The following VPS13C variants were observed in gnomAD, a reference collection of about 807,000 sequenced individuals.
VPS13C encodes intermembrane lipid transfer protein VPS13C.
A neutral mutation model predicts 456.8 loss-of-function variants in VPS13C; 358 were observed. The ratio of observed to expected loss-of-function variants is 0.78; its 90% CI spans 0.72 to 0.86. The LOEUF (loss-of-function observed/expected upper bound fraction) is 0.86. VPS13C is among the 40% of genes least tolerant of loss of function. The pLI, the probability that VPS13C is intolerant of heterozygous loss-of-function variation, is 0.00. For missense variants in VPS13C, 4,818 were observed against 4,385.4 expected, an observed-to-expected ratio of 1.10 and a Z score of -2.79; for synonymous variants, 1,578 against 1,486.7, an observed-to-expected ratio of 1.06 and a Z score of -1.41.
rs1461117816 is a variant in VPS13C, at chr15:61,972,716, C to A, written c.2666G>T (p.Cys889Phe). 1 of 1,613,070 alleles carries A rather than the reference C, an allele frequency of 6.2e-7. No homozygotes were observed. Among genetic ancestry groups the A allele is most frequent in the African/African-American group, 1.3e-5 (1 of 75,006 alleles). Residue 889 changes from cysteine to phenylalanine, a missense_variant, in exon 27 of 85, where the codon TGT becomes TTT. Physicochemically the swap from Cys to Phe is radical, Grantham distance 205. This residue lies in a region of VPS13C where 4,552 missense variants were observed against 4,130.6 expected (regional missense o/e 1.10). Coordinates refer to ENST00000644861, the MANE Select transcript of VPS13C (RefSeq NM_020821.3). ...AAGTTCTGATCCTTTCATACTTTTA[C>A]AAGTCTGTGGTTCTCCATCTTCAGC... is the stretch of plus-strand genomic sequence containing the variant. ...FDAEDGEPQT[C>F]KSMKGSELKK...
chr15:62,006,238 A>C (rs556104360), intron 15 of VPS13C, among the ~76,000 whole-genome samples: 10 of 152,162 alleles, frequency 6.6e-5, no homozygotes, highest in African/African-American at 2.2e-4. Flanking sequence ...ATATCTGCTA[A>C]TGCTATCCCT....
chr15:62,060,366 C>T lies in VPS13C; in HGVS notation c.9G>A (p.Leu3=), dbSNP rs751884656. The change falls in exon 1 of 85, where the codon CTG becomes CTA. Residue 3 remains leucine (L), a synonymous_variant. Transcript: ENST00000644861. The part of the protein sequence containing the change: MV[L]ESVVADLLNR... ...TCAGCAAGTCCGCGACCACCGACTC[C>T]AGCACCATGGTGGCGCTGAGGCACA... is the stretch of plus-strand genomic sequence containing the variant. 5 of 1,583,530 alleles carry T rather than the reference C, an allele frequency of 3.2e-6. No individual in the cohort carries two copies. In the Admixed American group the frequency reaches 8.6e-5, roughly 27 times the overall value.
intron 49 of VPS13C, among the ~76,000 whole-genome samples, chr15:61,933,167 A>C (rs186910309): frequency 2.1e-4 from 32 of 152,334 alleles, no homozygotes; most frequent in African/African-American, 7.2e-4. Context: ...ATGAATAAGG[A>C]AGGCATACAA....
At chr15:61,945,332 T>C (rs1213357053) in intron 45 of VPS13C, among the ~76,000 whole-genome samples, 1 of 152,226 alleles carries the variant, frequency 6.6e-6, no homozygotes, top group South Asian at 2.1e-4. Context: ...ATCACAATCA[T>C]AACCAAAAGC....
chr15:62,013,613 T>C (rs987293931), intron 10 of VPS13C, among the ~76,000 whole-genome samples: 3 of 152,060 alleles, frequency 2.0e-5, no homozygotes, highest in Admixed American at 6.6e-5. Context: ...TAATTATGTA[T>C]AGCTTAGTAC....
At chr15:62,055,083 G>A (rs1048028192) in intron 1 of VPS13C, among the ~76,000 whole-genome samples, 2 of 152,190 alleles carry the variant, frequency 1.3e-5, no homozygotes, top group Non-Finnish European at 2.9e-5. Flanking sequence ...AAATACATAA[G>A]AATTGCTTGG....
At position 61,854,685 on chromosome 15, in the gene VPS13C, G is replaced by A. The variant is rs1893811091; in HGVS notation, c.11161-127C>T. 15 of 1,058,872 alleles carry A rather than the reference G, an allele frequency of 1.4e-5. No individual in the cohort carries two copies. In the South Asian group the frequency reaches 2.1e-4, roughly 15 times the overall value. The allele number at this position is 1,058,872 out of a possible 1,614,324, so 65.6% of individuals were successfully genotyped here. ...CCAACAGCTAAGGACCAAGGATACA[G>A]TCCAGATGTGTCATATAAAAATAAG... On this transcript the variant is annotated intron_variant, in intron 84 of 84. Coordinates refer to ENST00000644861, the MANE Select transcript of VPS13C (RefSeq NM_020821.3).
In VPS13C at chr15:61,927,336, A is replaced by C. The variant is rs1382749991; in HGVS notation, c.6287-16T>G. 2 of 1,603,526 alleles carry C rather than the reference A, an allele frequency of 1.2e-6. No individual in the cohort carries two copies. The highest frequency in any genetic ancestry group is 8.5e-7 in the Non-Finnish European group (1 of 1,173,238). Reference sequence around the variant, plus strand: ...ACAGAGTCATCTGAAGAAACAAGCAACAGGAACCAGAAAAGTTTAAGGTAA... The same window carrying C: ...ACAGAGTCATCTGAAGAAACAAGCACCAGGAACCAGAAAAGTTTAAGGTAA... On this transcript the variant is annotated splice_polypyrimidine_tract_variant and intron_variant, in intron 51 of 84. Coordinates refer to ENST00000644861, the MANE Select transcript of VPS13C (RefSeq NM_020821.3).
chr15:61,912,870 C>A (rs2043344610), intron 62 of VPS13C, among the ~76,000 whole-genome samples: 1 of 145,346 alleles, frequency 6.9e-6, no homozygotes, highest in Non-Finnish European at 1.5e-5. Context: ...TCAATTCCTA[C>A]CTATGAGTGA....
intron 66 of VPS13C, among the ~76,000 whole-genome samples, chr15:61,895,862 A>C: frequency 6.6e-6 from 1 of 152,138 alleles, no homozygotes; most frequent in East Asian, 1.9e-4. Flanking sequence ...AAATTACAGC[A>C]AGATAGGAGG....
At chr15:61,873,118 C>G (rs1895156850) in intron 78 of VPS13C, 128 bp downstream of exon 78, 2 of 1,387,810 alleles carry the variant, frequency 1.4e-6, no homozygotes, top group Non-Finnish European at 1.9e-6. Context: ...CTGGGAAGTC[C>G]ATCATTTATC....
At chr15:61,902,356 G>A (rs555892306) in intron 66 of VPS13C, among the ~76,000 whole-genome samples, 62 of 149,732 alleles carry the variant, frequency 4.1e-4, no homozygotes, top group Non-Finnish European at 8.3e-4. Flanking sequence ...AAAAAAAACT[G>A]CAGAGCGGGG....
intron 74 of VPS13C, among the ~76,000 whole-genome samples, chr15:61,878,261 T>C (rs1895601058): frequency 6.6e-6 from 1 of 151,898 alleles, no homozygotes; most frequent in African/African-American, 2.4e-5. Context: ...CAATAACAAT[T>C]TATTTAATGC....
At chr15:62,038,573 C>A (rs572014771) in intron 3 of VPS13C, among the ~76,000 whole-genome samples, 66 of 152,114 alleles carry the variant, frequency 4.3e-4, no homozygotes, top group African/African-American at 1.4e-3. Context: ...GGCAACAGAG[C>A]AAGACTTTGT....
chr15:61,963,957 A>G lies in VPS13C; in HGVS notation c.3215-6T>C. ...ATCTCTGGAGGATACAATCGCTAAA[A>G]ATAAAACAAAGCATCTGTCACATGG... On this transcript the variant is annotated splice_region_variant and splice_polypyrimidine_tract_variant and intron_variant, in intron 31 of 84. Coordinates refer to ENST00000644861, the MANE Select transcript of VPS13C (RefSeq NM_020821.3). 1 of 1,555,748 alleles carries G rather than the reference A, an allele frequency of 6.4e-7. No homozygotes were observed. Among genetic ancestry groups the G allele is most frequent in the Non-Finnish European group, 8.8e-7 (1 of 1,130,376 alleles).
chr15:61,875,626 T>C lies in VPS13C; in HGVS notation c.10338+106A>G, dbSNP rs147997994. 9.0e-4 allele frequency: 688 copies of C among 760,442 alleles called. 1 individual carries two copies. Among genetic ancestry groups the C allele is most frequent in the South Asian group, 2.3e-3 (139 of 59,210 alleles). 47.1% of individuals were successfully genotyped at this position (760,442 alleles called of 1,614,324 possible). On this transcript the variant is annotated intron_variant, in intron 76 of 84. Transcript: ENST00000644861. ...TTGATATACTTTTGTGATTTGAACATTATTCAATTCCAAGATACAATTACA... is the reference window on the plus strand; with the variant it reads ...TTGATATACTTTTGTGATTTGAACACTATTCAATTCCAAGATACAATTACA...
In VPS13C at chr15:61,974,372, A is replaced by C; in HGVS notation, c.2454T>G (p.Ser818=). The C allele has an allele frequency of 6.2e-7, 1 of 1,612,822 alleles. No individual in the cohort carries two copies. Among genetic ancestry groups the C allele is most frequent in the South Asian group, 1.1e-5 (1 of 91,040 alleles). The change falls in exon 25 of 85, where the codon TCT becomes TCG. Residue 818 remains serine, a synonymous_variant. Coordinates refer to ENST00000644861, the MANE Select transcript of VPS13C (RefSeq NM_020821.3). ...GGLPLMHVRI[S]DQKMKDVLYL... is the part of the protein sequence containing the mutation. ...ATAGCACATCTTTCATCTTCTGGTC[A>C]GAAATTCTCACATGCATCAAAGGAA... is the stretch of plus-strand genomic sequence containing the variant.
chr15:62,054,480 CA>C (rs1411301147), intron 1 of VPS13C, among the ~76,000 whole-genome samples: 3 of 151,978 alleles, frequency 2.0e-5, no homozygotes, highest in Non-Finnish European at 4.4e-5. Context: ...CTAAGAAAAC[CA>C]AACAACACAT....
At chr15:61,966,428 G>C (rs923594362) in intron 29 of VPS13C, among the ~76,000 whole-genome samples, 3 of 151,828 alleles carry the variant, frequency 2.0e-5, no homozygotes, top group Non-Finnish European at 4.4e-5. Flanking sequence ...CAGTCACGTA[G>C]CCCATCTATC....
Sources: gnomAD v4.1 joint callset for allele counts (sites outside exome capture counted in the v4.1 genomes callset) on GRCh38, gnomAD v4.1.1 for gene constraint, gnomAD v4.1.1 regional missense constraint, MANE v1.5 for transcripts, NCBI Gene and HGNC (gene_info 2026-07-23, HGNC 2026-07-21) for gene names.